Variants in MCPH1 observed in about 807,000 individuals in gnomAD.
MCPH1 encodes the protein microcephalin 1.
A neutral mutation model predicts 84.5 loss-of-function variants in MCPH1; 104 were observed. The ratio of observed to expected loss-of-function variants is 1.23; its 90% CI spans 1.05 to 1.45. MCPH1 has a LOEUF of 1.45. Ranked by LOEUF, MCPH1 falls within the 40% of genes most tolerant of loss-of-function variation. The pLI is 0.00. For synonymous variants in MCPH1, 514 were observed against 366.8 expected (o/e 1.40, Z -4.58); for missense variants, 1,498 against 1,005.7 (o/e 1.49, Z -6.62).
intron 12 of MCPH1, among the ~76,000 whole-genome samples, chr8:6,504,127 G>A (rs1365159479): frequency 1.3e-5 from 2 of 151,844 alleles, no homozygotes; most frequent in African/African-American, 4.8e-5. Context: ...GACCATCCTG[G>A]CTAACACGGT....
At chr8:6,445,752 T>G in intron 8 of MCPH1, 1 of 1,364,456 alleles carries the variant, frequency 7.3e-7, no homozygotes, top group East Asian at 2.8e-5. Context: ...GACTTATTGG[T>G]TAAGTCTGTT....
chr8:6,487,866 C>T (rs1036193037), intron 11 of MCPH1, among the ~76,000 whole-genome samples: 28 of 152,108 alleles, frequency 1.8e-4, no homozygotes, highest in Admixed American at 4.6e-4. Flanking sequence ...CCGAGAAGGA[C>T]GCTGCAAATA....
In MCPH1 at chr8:6,444,775, T is replaced by C; in HGVS notation, c.1053T>C (p.Ser351=). The change falls in exon 8 of 14, where the codon AGT becomes AGC. Residue 351 remains serine, a synonymous_variant. Transcript: ENST00000344683. ...GHLLIHSRPR[S]SSVKRKRVSH... is the part of the protein sequence containing the mutation. ...TTTTGATACATTCAAGACCCAGGAGTTCCTCAGTAAAGAGAAAAAGAGTAT... is the reference window on the plus strand; with the variant it reads ...TTTTGATACATTCAAGACCCAGGAGCTCCTCAGTAAAGAGAAAAAGAGTAT... The C allele has an allele frequency of 6.2e-7, 1 of 1,613,796 alleles. No individual in the cohort carries two copies. Among genetic ancestry groups the C allele is most frequent in the Non-Finnish European group, 8.5e-7 (1 of 1,179,944 alleles).
At chr8:6,473,148 G>T (rs1312447507) in intron 9 of MCPH1, among the ~76,000 whole-genome samples, 2 of 151,948 alleles carry the variant, frequency 1.3e-5, no homozygotes, top group Non-Finnish European at 2.9e-5. Context: ...CAAAGAAACA[G>T]GCTCATCAAT....
chr8:6,502,393 G>T (rs945509138), intron 12 of MCPH1: 1 of 152,078 alleles, frequency 6.6e-6, no homozygotes, highest in Non-Finnish European at 1.5e-5. Context: ...AAAATGGCAC[G>T]TTTCTGTTGA....
intron 12 of MCPH1, among the ~76,000 whole-genome samples, chr8:6,564,852 G>C (rs10090540): frequency 0.011 from 1,745 of 152,238 alleles, 34 homozygotes; most frequent in African/African-American, 0.039. Context: ...TCTTGCTACT[G>C]AACATTGGAA....
At chr8:6,409,674 A>AG (rs1180442934) in intron 2 of MCPH1, among the ~76,000 whole-genome samples, 1 of 120,538 alleles carries the variant, frequency 8.3e-6, no homozygotes, top group Non-Finnish European at 1.7e-5. Flanking sequence ...CAGGTTTCTA[A>AG]GGGAAAAATT....
intron 7 of MCPH1, 125 bp downstream of exon 7, chr8:6,442,281 A>G: frequency 1.5e-6 from 1 of 669,420 alleles, no homozygotes; most frequent in African/African-American, 1.8e-5. Flanking sequence ...GAACTTCTAA[A>G]TTTCCCCCTG....
At chr8:6,515,100 A>T (rs1815997308) in intron 12 of MCPH1, among the ~76,000 whole-genome samples, 1 of 151,904 alleles carries the variant, frequency 6.6e-6, no homozygotes, top group Admixed American at 6.6e-5. Flanking sequence ...TTTTTTAGAG[A>T]TTCATTATGA....
chr8:6,603,486 G>T (rs1317404372), intron 12 of MCPH1, among the ~76,000 whole-genome samples: 2 of 152,130 alleles, frequency 1.3e-5, no homozygotes, highest in Non-Finnish European at 2.9e-5. Context: ...CATACCCTTT[G>T]CTCGAAAATG....
intron 10 of MCPH1, among the ~76,000 whole-genome samples, chr8:6,478,120 A>G (rs1808718488): frequency 6.6e-6 from 1 of 152,248 alleles, no homozygotes; most frequent in Non-Finnish European, 1.5e-5. Context: ...TCTTTGCAAC[A>G]GATTTTTGAA....
chr8:6,409,612 T>C (rs1798259627), intron 2 of MCPH1, among the ~76,000 whole-genome samples: 1 of 152,058 alleles, frequency 6.6e-6, no homozygotes, highest in Non-Finnish European at 1.5e-5. Context: ...CTTACACTGG[T>C]TACTTGAATG....
At chr8:6,591,259 CT>C (rs1214147072) in intron 12 of MCPH1, among the ~76,000 whole-genome samples, 3 of 152,376 alleles carry the variant, frequency 2.0e-5, no homozygotes, top group East Asian at 3.9e-4. Flanking sequence ...GTTAAAATCA[CT>C]GTCATTGGCT....
At chr8:6,485,392 G>A (rs796255381) in intron 11 of MCPH1, among the ~76,000 whole-genome samples, 2 of 152,032 alleles carry the variant, frequency 1.3e-5, no homozygotes, top group East Asian at 1.9e-4. Flanking sequence ...GCACTGGTAG[G>A]ACCGGGCTAG....
intron 12 of MCPH1, among the ~76,000 whole-genome samples, chr8:6,584,555 C>G (rs1211448708): frequency 6.6e-6 from 1 of 152,196 alleles, no homozygotes; most frequent in Non-Finnish European, 1.5e-5. Context: ...ACAATTCATT[C>G]CAGACCTAAC....
At chr8:6,595,079 T>A (rs1828815984) in intron 12 of MCPH1, among the ~76,000 whole-genome samples, 1 of 152,206 alleles carries the variant, frequency 6.6e-6, no homozygotes, top group African/African-American at 2.4e-5. Context: ...CTTACTGACT[T>A]CGCACAAATC....
At chr8:6,553,897 T>C (rs947014785) in intron 12 of MCPH1, among the ~76,000 whole-genome samples, 1 of 152,122 alleles carries the variant, frequency 6.6e-6, no homozygotes, top group Non-Finnish European at 1.5e-5. Flanking sequence ...TTTTCGCCTT[T>C]TGCTGTTGAA....
rs377522481 is a variant in MCPH1 at position 6,623,688 on chromosome 8, C to CAAAAAAAAAAAAAAAAAAA, written c.2452+2009_2452+2027dup. Among the ~76,000 whole-genome samples, 6 of 92,420 alleles carry CAAAAAAAAAAAAAAAAAAA rather than the reference C, an allele frequency of 6.5e-5. 1 individual carries two copies. Among genetic ancestry groups the CAAAAAAAAAAAAAAAAAAA allele is most frequent in the African/African-American group, 2.3e-4 (5 of 21,756 alleles). The allele number at this position is 92,420 out of a possible 152,430, so 60.6% of individuals were successfully genotyped here. On this transcript the variant is annotated intron_variant, in intron 13 of 13. Coordinates refer to ENST00000344683, the MANE Select transcript of MCPH1 (RefSeq NM_024596.5). ...CATCTTTTGCCTGGAAACCAACTTCCAAAAAAAAAAAAAAAAAAAAAAAAA... is the reference window on the plus strand; with the variant it reads ...CATCTTTTGCCTGGAAACCAACTTCCAAAAAAAAAAAAAAAAAAAAAAAAAAAAAAAAAAAAAAAAAAAA...
At chr8:6,424,678 T>C (rs1161255732) in intron 3 of MCPH1, among the ~76,000 whole-genome samples, 1 of 152,232 alleles carries the variant, frequency 6.6e-6, no homozygotes, top group Admixed American at 6.5e-5. Flanking sequence ...AGTGGATGTG[T>C]AGCCATTTAG....
Sources: gnomAD v4.1 joint callset for allele counts (sites outside exome capture counted in the v4.1 genomes callset) on GRCh38, gnomAD v4.1.1 for gene constraint, MANE v1.5 for transcripts, NCBI Gene and HGNC (gene_info 2026-07-23, HGNC 2026-07-21) for gene names.